The following ADGRL3 variants were observed in gnomAD, a reference collection of about 807,000 sequenced individuals.
ADGRL3 encodes the protein calcium-independent alpha-latrotoxin receptor 3.
ADGRL3 carries 62 observed loss-of-function variants against 153.5 expected under a neutral mutation model. The observed-to-expected ratio is 0.40, with a 90% CI of 0.33 to 0.50. The LOEUF (loss-of-function observed/expected upper bound fraction) is 0.50, where lower values mean the gene tolerates loss of function less well. Among genes scored for constraint, ADGRL3 ranks in the 20% least tolerant of loss-of-function variants. The probability of loss-of-function intolerance (pLI) is 0.47; values close to 1 mark genes in which losing one functional copy is unlikely to be tolerated. For synonymous variants in ADGRL3, 710 were observed against 672.5 expected (o/e 1.06, Z -0.86); for missense variants, 1,641 against 1,859.4 (o/e 0.88, Z 2.16).
chr4:61,397,925 T>C (rs984590845), intron 2 of ADGRL3, among the ~76,000 whole-genome samples: 4 of 151,910 alleles, frequency 2.6e-5, no homozygotes, highest in Non-Finnish European at 5.9e-5. Context: ...TGGAGAGCTA[T>C]CCATGCTGTA....
At chr4:61,392,684 C>CAAAAAAAAAAGAAAAAAA (rs2096824270) in intron 2 of ADGRL3, among the ~76,000 whole-genome samples, 1 of 13,364 alleles carries the variant, frequency 7.5e-5, no homozygotes, top group Non-Finnish European at 1.7e-4. Flanking sequence ...GACTCCATCT[C>CAAAAAAAAAAGAAAAAAA]AAAAAAAAAA....
At chr4:61,296,995 A>T (rs926156602) in intron 1 of ADGRL3, among the ~76,000 whole-genome samples, 1 of 152,200 alleles carries the variant, frequency 6.6e-6, no homozygotes, top group African/African-American at 2.4e-5. Flanking sequence ...GATCACTTTT[A>T]GAGCAGTTGA....
chr4:61,411,265 T>C (rs2097083835), intron 2 of ADGRL3, among the ~76,000 whole-genome samples: 1 of 152,316 alleles, frequency 6.6e-6, no homozygotes, highest in East Asian at 1.9e-4. Flanking sequence ...TTTGTCAGTC[T>C]TCGTGTTTTA....
At chr4:61,637,261 A>G (rs1415429388) in intron 5 of ADGRL3, among the ~76,000 whole-genome samples, 1 of 152,170 alleles carries the variant, frequency 6.6e-6, no homozygotes, top group Non-Finnish European at 1.5e-5. Flanking sequence ...AATAGGGGAA[A>G]TTTGAACACA....
chr4:61,774,193 A>G (rs1435026912), intron 8 of ADGRL3, among the ~76,000 whole-genome samples: 1 of 151,944 alleles, frequency 6.6e-6, no homozygotes, highest in Non-Finnish European at 1.5e-5. Context: ...TGTCTCTACT[A>G]AAAATACAAA....
chr4:61,415,654 C>T (rs1336899846), intron 2 of ADGRL3, among the ~76,000 whole-genome samples: 1 of 152,032 alleles, frequency 6.6e-6, no homozygotes, highest in Non-Finnish European at 1.5e-5. Flanking sequence ...TCCCAATTTT[C>T]CCTATTCTGT....
At chr4:62,054,308 T>G (rs1055812572) in intron 25 of ADGRL3, among the ~76,000 whole-genome samples, 3 of 151,584 alleles carry the variant, frequency 2.0e-5, no homozygotes, top group Non-Finnish European at 4.4e-5. Flanking sequence ...ATTAATAAAT[T>G]ACTAATAAGA....
At chr4:61,867,914 G>C (rs2149348825) in intron 9 of ADGRL3, among the ~76,000 whole-genome samples, 1 of 152,158 alleles carries the variant, frequency 6.6e-6, no homozygotes, top group Middle Eastern at 3.4e-3. Flanking sequence ...AGTCCCCTAA[G>C]TGGGTGTATA....
intron 5 of ADGRL3, among the ~76,000 whole-genome samples, chr4:61,595,234 A>G: frequency 6.6e-6 from 1 of 151,998 alleles, no homozygotes; most frequent in Non-Finnish European, 1.5e-5. Context: ...TCTTAAACAG[A>G]AGTATTTCAC....
chr4:62,044,146 G>A (rs561105937), intron 24 of ADGRL3, among the ~76,000 whole-genome samples: 97 of 151,926 alleles, frequency 6.4e-4, no homozygotes, highest in Non-Finnish European at 1.0e-3. Flanking sequence ...TCTGTCTGAA[G>A]ATATATACCT....
At chr4:61,737,913 A>G (rs974791542) in intron 8 of ADGRL3, among the ~76,000 whole-genome samples, 10 of 151,630 alleles carry the variant, frequency 6.6e-5, no homozygotes, top group African/African-American at 2.4e-4. Flanking sequence ...TCTTTTTATC[A>G]TTCCATTTTT....
intron 2 of ADGRL3, among the ~76,000 whole-genome samples, chr4:61,467,843 A>G (rs1269684750): frequency 1.3e-5 from 2 of 152,164 alleles, no homozygotes; most frequent in African/African-American, 4.8e-5. Flanking sequence ...TACTATCCTT[A>G]TAAAATATTG....
At chr4:61,269,906 CA>C (rs1413087982) in intron 1 of ADGRL3, among the ~76,000 whole-genome samples, 2 of 151,582 alleles carry the variant, frequency 1.3e-5, no homozygotes, top group Non-Finnish European at 3.0e-5. Flanking sequence ...CTTTCTTTTA[CA>C]GATAAAGAAA....
intron 5 of ADGRL3, among the ~76,000 whole-genome samples, chr4:61,655,717 A>G (rs2094425585): frequency 1.3e-5 from 2 of 152,160 alleles, no homozygotes; most frequent in South Asian, 4.1e-4. Context: ...CCATCTGCTG[A>G]GTGGTATGGG....
At chr4:61,537,609 A>G (rs537696617) in intron 4 of ADGRL3, among the ~76,000 whole-genome samples, 244 of 152,264 alleles carry the variant, frequency 1.6e-3, no homozygotes, top group Non-Finnish European at 2.7e-3. Flanking sequence ...TTCAAAAGAC[A>G]GGGCTCCAAT....
chr4:61,206,319 G>A lies in ADGRL3; in HGVS notation c.-240+4554G>A, dbSNP rs1168227096. On this transcript the variant is annotated intron_variant, in intron 1 of 26. Coordinates refer to ENST00000683033, the MANE Select transcript of ADGRL3 (RefSeq NM_001387552.1). ...TACTTATTTTGAAAACTATTTTTGG[G>A]ATGGAAAAATAAATCATCCAACTGA... Among the ~76,000 whole-genome samples, 6 of 152,252 alleles carry A rather than the reference G, an allele frequency of 3.9e-5. No individual in the cohort carries two copies. The East Asian group carries it at 5.8e-4, about 15-fold the overall frequency.
chr4:62,009,346 G>T (rs997251803), intron 21 of ADGRL3, among the ~76,000 whole-genome samples: 2 of 151,730 alleles, frequency 1.3e-5, no homozygotes, highest in African/African-American at 4.8e-5. Context: ...GCAATAATAA[G>T]GCACACATTT....
At chr4:61,617,554 G>A (rs2092137564) in intron 5 of ADGRL3, among the ~76,000 whole-genome samples, 1 of 152,098 alleles carries the variant, frequency 6.6e-6, no homozygotes, top group Admixed American at 6.6e-5. Context: ...TTACTGCAAA[G>A]TTTCCTGTAA....
At chr4:61,540,508 A>G (rs1328514181) in intron 4 of ADGRL3, among the ~76,000 whole-genome samples, 2 of 151,942 alleles carry the variant, frequency 1.3e-5, no homozygotes, top group Non-Finnish European at 1.5e-5. Flanking sequence ...AGATTTTGCC[A>G]CCGCACTCTA....
Sources: gnomAD v4.1 joint callset for allele counts (sites outside exome capture counted in the v4.1 genomes callset) on GRCh38, gnomAD v4.1.1 for gene constraint, MANE v1.5 for transcripts, NCBI Gene and HGNC (gene_info 2026-07-23, HGNC 2026-07-21) for gene names.